SMAP1: variants seen among roughly 807,000 people sequenced by gnomAD.
SMAP1 encodes the protein stromal membrane-associated protein 1.
SMAP1 carries 24 observed loss-of-function variants against 58.5 expected under a neutral mutation model. That is an observed-to-expected ratio of 0.41 (90% confidence interval 0.30 to 0.58). The LOEUF is 0.58. Among genes scored for constraint, SMAP1 ranks in the 20% least tolerant of loss-of-function variants. SMAP1 has a pLI of 0.29. For synonymous variants in SMAP1, 216 were observed against 196.6 expected, an observed-to-expected ratio of 1.10 and a Z score of -0.82; for missense variants, 563 against 566.3, an observed-to-expected ratio of 0.99 and a Z score of 0.06.
intron 1 of SMAP1, among the ~76,000 whole-genome samples, chr6:70,690,850 C>A (rs1767135779): frequency 6.6e-6 from 1 of 151,744 alleles, no homozygotes; most frequent in South Asian, 2.1e-4. Context: ...TATTCTCCTC[C>A]TCCCCCTTCC....
At chr6:70,679,033 TG>T (rs1766595450) in intron 1 of SMAP1, among the ~76,000 whole-genome samples, 3 of 151,928 alleles carry the variant, frequency 2.0e-5, no homozygotes, top group African/African-American at 4.8e-5. Context: ...TTTTTTTTTT[TG>T]TTTTTTTGAG....
Position 70,860,333 on chromosome 6 carries a change from G to T in SMAP1, c.1403G>T (p.Ter468LeuextTer17). The change falls in exon 11 of 11, where the codon TGA (stop) becomes TTA (leucine). Residue 468 changes from the stop codon to leucine (L), a stop_lost. Coordinates refer to ENST00000370455, the MANE Select transcript of SMAP1 (RefSeq NM_001044305.3). ...ACTCTCAGCACACAACTGTGGAAAT[G>T]AAAACTGCAATACAAGTTTCATCCA... The part of the protein sequence containing the change: ...GQTLSTQLWK[*>L] 1 of 1,604,722 alleles carries T rather than the reference G, an allele frequency of 6.2e-7. No homozygotes were observed.
At chr6:70,782,319 T>C (rs1767796568) in intron 4 of SMAP1, among the ~76,000 whole-genome samples, 1 of 152,264 alleles carries the variant, frequency 6.6e-6, no homozygotes, top group Admixed American at 6.5e-5. Flanking sequence ...AGCCTCCTTT[T>C]GGTTCTCCTT....
intron 6 of SMAP1, among the ~76,000 whole-genome samples, chr6:70,819,854 A>G (rs1769808961): frequency 6.6e-6 from 1 of 152,224 alleles, no homozygotes; most frequent in South Asian, 2.1e-4. Flanking sequence ...CTTCTACTTC[A>G]GATCATTTTG....
chr6:70,840,827 T>A (rs1376346316), intron 7 of SMAP1, among the ~76,000 whole-genome samples: 1 of 152,210 alleles, frequency 6.6e-6, no homozygotes, highest in Non-Finnish European at 1.5e-5. Context: ...AGTGCCAGAT[T>A]GAATAATCTC....
intron 1 of SMAP1, among the ~76,000 whole-genome samples, chr6:70,725,114 T>G (rs1356341255): frequency 1.8e-5 from 2 of 109,926 alleles, no homozygotes; most frequent in Non-Finnish European, 3.7e-5. Flanking sequence ...TTTTTTTTTT[T>G]TTTTTTTTTT....
At chr6:70,722,391 C>T (rs541687596) in intron 1 of SMAP1, among the ~76,000 whole-genome samples, 118 of 152,326 alleles carry the variant, frequency 7.7e-4, no homozygotes, top group African/African-American at 2.8e-3. Flanking sequence ...GCATTGTTTT[C>T]CTCACTTAGC....
chr6:70,848,745 T>C (rs562936455), intron 7 of SMAP1, among the ~76,000 whole-genome samples: 2 of 152,338 alleles, frequency 1.3e-5, no homozygotes, highest in Admixed American at 1.3e-4. Context: ...GAGTCTTTAA[T>C]TGTCTTTTTT....
chr6:70,746,433 G>A (rs1766036570), intron 2 of SMAP1, among the ~76,000 whole-genome samples: 1 of 152,184 alleles, frequency 6.6e-6, no homozygotes, highest in Non-Finnish European at 1.5e-5. Flanking sequence ...AGATAATCAT[G>A]TGGTTTTTGT....
chr6:70,764,469 C>CT (rs1472176129), intron 3 of SMAP1, among the ~76,000 whole-genome samples: 1 of 152,188 alleles, frequency 6.6e-6, no homozygotes, highest in African/African-American at 2.4e-5. Context: ...CAGCTGGTGA[C>CT]TTTAAGTTGA....
At position 70,765,178 on chromosome 6, in the gene SMAP1, G is replaced by A. The variant is rs191842047; in HGVS notation, c.339-8172G>A. ...TGTTTAGATTTTATGTCCAGCTTGCGTCCCTGGCCCACTGTGAGTGCTTTC... is the reference window on the plus strand; with the variant it reads ...TGTTTAGATTTTATGTCCAGCTTGCATCCCTGGCCCACTGTGAGTGCTTTC... On this transcript the variant is annotated intron_variant, in intron 3 of 10. Coordinates refer to ENST00000370455, the MANE Select transcript of SMAP1 (RefSeq NM_001044305.3). Among the ~76,000 whole-genome samples the A allele has an allele frequency of 4.5e-3, 683 of 152,222 alleles. 6 individuals are homozygous for A. The highest frequency in any genetic ancestry group is 7.4e-3 in the Non-Finnish European group (500 of 68,026).
chr6:70,812,123 A>G (rs1769417694), intron 6 of SMAP1, among the ~76,000 whole-genome samples: 1 of 152,224 alleles, frequency 6.6e-6, no homozygotes, highest in Non-Finnish European at 1.5e-5. Flanking sequence ...TAGGTAATTG[A>G]AGACACTGAA....
At chr6:70,762,147 T>G (rs1766777591) in intron 3 of SMAP1, among the ~76,000 whole-genome samples, 1 of 152,144 alleles carries the variant, frequency 6.6e-6, no homozygotes, top group Non-Finnish European at 1.5e-5. Flanking sequence ...GATGACAGTT[T>G]ACAGACACAT....
intron 4 of SMAP1, among the ~76,000 whole-genome samples, chr6:70,779,339 C>T (rs1418774084): frequency 6.6e-6 from 1 of 152,136 alleles, no homozygotes; most frequent in Non-Finnish European, 1.5e-5. Context: ...GGCTTCAGGG[C>T]TGGATGTAGT....
chr6:70,795,845 C>T (rs1025485157), intron 5 of SMAP1, among the ~76,000 whole-genome samples: 1 of 151,742 alleles, frequency 6.6e-6, no homozygotes, highest in Admixed American at 6.6e-5. Context: ...TCAAGTGATT[C>T]TCCTGCCTCA....
At chr6:70,851,974 GACT>G (rs1221098831) in intron 7 of SMAP1, among the ~76,000 whole-genome samples, 3 of 151,940 alleles carry the variant, frequency 2.0e-5, no homozygotes, top group African/African-American at 7.3e-5. Flanking sequence ...TCCATGTTGT[GACT>G]TCAAAACATA....
chr6:70,671,731 A>G (rs1020718126), intron 1 of SMAP1, among the ~76,000 whole-genome samples: 2 of 152,214 alleles, frequency 1.3e-5, no homozygotes, highest in Non-Finnish European at 2.9e-5. Context: ...AATACAACAT[A>G]TGAACTTTTG....
chr6:70,690,263 T>C lies in SMAP1; in HGVS notation c.118+22122T>C, dbSNP rs534448334. Among the ~76,000 whole-genome samples the C allele has an allele frequency of 6.6e-5, 10 of 152,314 alleles. No individual in the cohort carries two copies. In the East Asian group the frequency reaches 1.9e-3, roughly 29 times the overall value. ...GAAATGTATGTTGAATTTTATCAAA[T>C]GCTTTTCTGCATCTTTTGAGATGAT... On this transcript the variant is annotated intron_variant, in intron 1 of 10. Transcript: ENST00000370455.
At chr6:70,857,553 G>A (rs1346187700) in intron 9 of SMAP1, 3 of 209,906 alleles carry the variant, frequency 1.4e-5, no homozygotes, top group South Asian at 9.4e-5. Flanking sequence ...CTATTGAAGC[G>A]AGATATAGTC....
Sources: gnomAD v4.1 joint callset for allele counts (sites outside exome capture counted in the v4.1 genomes callset) on GRCh38, gnomAD v4.1.1 for gene constraint, MANE v1.5 for transcripts, NCBI Gene and HGNC (gene_info 2026-07-23, HGNC 2026-07-21) for gene names.